Variants in CAMK4 observed in about 807,000 individuals in gnomAD.
The protein encoded by CAMK4 is calcium/calmodulin dependent protein kinase IV.
CAMK4 carries 22 observed loss-of-function variants against 44.9 expected under a neutral mutation model. The ratio of observed to expected loss-of-function variants is 0.49; its 90% CI spans 0.35 to 0.70. The LOEUF (loss-of-function observed/expected upper bound fraction) is 0.70. Among genes scored for constraint, CAMK4 ranks in the 30% least tolerant of loss-of-function variants. The pLI, the probability that CAMK4 is intolerant of heterozygous loss-of-function variation, is 0.01. For synonymous variants in CAMK4, 218 were observed against 215.4 expected, an observed-to-expected ratio of 1.01 and a Z score of -0.11; for missense variants, 498 against 586.8, an observed-to-expected ratio of 0.85 and a Z score of 1.56.
intron 1 of CAMK4, among the ~76,000 whole-genome samples, chr5:111,293,384 A>G (rs1747352553): frequency 6.6e-6 from 1 of 151,956 alleles, no homozygotes; most frequent in East Asian, 1.9e-4. Flanking sequence ...GAAGGAAAAC[A>G]CTATGCTTAT....
At chr5:111,368,811 T>C (rs1167803066) in intron 2 of CAMK4, among the ~76,000 whole-genome samples, 1 of 152,058 alleles carries the variant, frequency 6.6e-6, no homozygotes, top group Non-Finnish European at 1.5e-5. Flanking sequence ...GAGATTCTTA[T>C]TTGCTTCACC....
At chr5:111,382,231 C>A (rs1391165249) in intron 4 of CAMK4, among the ~76,000 whole-genome samples, 1 of 152,098 alleles carries the variant, frequency 6.6e-6, no homozygotes, top group Admixed American at 6.6e-5. Context: ...TAAGACCTCA[C>A]CTCCAGTCCT....
At chr5:111,366,629 T>C (rs1426369492) in intron 2 of CAMK4, among the ~76,000 whole-genome samples, 1 of 152,122 alleles carries the variant, frequency 6.6e-6, no homozygotes, top group African/African-American at 2.4e-5. Context: ...CACAAGAGTG[T>C]TTATTTGCTG....
At chr5:111,225,913 A>G (rs911799301) in intron 1 of CAMK4, among the ~76,000 whole-genome samples, 17 of 152,250 alleles carry the variant, frequency 1.1e-4, no homozygotes, top group African/African-American at 3.9e-4. Context: ...CAAGTTTTTC[A>G]GTATTCATCT....
chr5:111,406,829 C>T (rs1389013149), intron 5 of CAMK4, among the ~76,000 whole-genome samples: 3 of 152,152 alleles, frequency 2.0e-5, no homozygotes, highest in African/African-American at 7.2e-5. Context: ...AGATGAGTGT[C>T]TTCACTTTTG....
intron 1 of CAMK4, among the ~76,000 whole-genome samples, chr5:111,284,450 T>C (rs1483278761): frequency 6.6e-6 from 1 of 152,222 alleles, no homozygotes; most frequent in African/African-American, 2.4e-5. Context: ...TTCTTACATA[T>C]CACTTCATAT....
In CAMK4 at chr5:111,481,413, TTTTAAGCC is replaced by T. The variant is rs1232883940; in HGVS notation, c.829-1370_829-1363del. On this transcript the variant is annotated intron_variant, in intron 9 of 10. Transcript: ENST00000282356. ...CTACCTTCCTCCATGTCCTCTCAGA[TTTTAAGCC>T]TAAAGAGCCTCATGTCTCTGCCCAC... 4.3e-4 allele frequency among the ~76,000 whole-genome samples: 65 copies of T among 152,284 alleles called. 1 individual carries two copies. Among genetic ancestry groups the T allele is most frequent in the African/African-American group, 1.5e-3 (62 of 41,562 alleles).
At chr5:111,461,555 G>A (rs1356893267) in intron 7 of CAMK4, among the ~76,000 whole-genome samples, 3 of 152,122 alleles carry the variant, frequency 2.0e-5, no homozygotes, top group Non-Finnish European at 4.4e-5. Context: ...GGGCACTGCT[G>A]CCGCCCATAG....
chr5:111,352,918 A>G (rs1327763953), intron 2 of CAMK4, among the ~76,000 whole-genome samples: 1 of 152,052 alleles, frequency 6.6e-6, no homozygotes, highest in Non-Finnish European at 1.5e-5. Flanking sequence ...GAATAAAAAT[A>G]TCTAGCTTTG....
intron 2 of CAMK4, among the ~76,000 whole-genome samples, chr5:111,361,778 AT>A (rs1750601467): frequency 6.6e-6 from 1 of 152,044 alleles, no homozygotes; most frequent in Non-Finnish European, 1.5e-5. Context: ...GAAAATAGGC[AT>A]TAGTTTTCTT....
intron 1 of CAMK4, among the ~76,000 whole-genome samples, chr5:111,258,310 T>G (rs886297082): frequency 6.6e-6 from 1 of 152,184 alleles, no homozygotes; most frequent in African/African-American, 2.4e-5. Context: ...TTGATATATG[T>G]ATACTTCAGA....
intron 1 of CAMK4, among the ~76,000 whole-genome samples, chr5:111,281,291 A>C (rs534443238): frequency 6.0e-4 from 91 of 152,184 alleles, no homozygotes; most frequent in Non-Finnish European, 1.1e-3. Context: ...CTGCTACTGT[A>C]GTTCTGCCAG....
intron 10 of CAMK4, among the ~76,000 whole-genome samples, chr5:111,483,794 C>A (rs774859856): frequency 6.6e-6 from 1 of 152,158 alleles, no homozygotes; most frequent in Non-Finnish European, 1.5e-5. Flanking sequence ...TGTATTCAGG[C>A]TTTCAGTTGT....
chr5:111,483,374 T>G (rs985967579), intron 10 of CAMK4, among the ~76,000 whole-genome samples: 16 of 152,194 alleles, frequency 1.1e-4, no homozygotes, highest in Non-Finnish European at 2.9e-5. Flanking sequence ...TTAAGTGATA[T>G]AATAAATTAC....
intron 2 of CAMK4, among the ~76,000 whole-genome samples, chr5:111,366,900 A>T (rs2112807322): frequency 6.6e-6 from 1 of 152,052 alleles, no homozygotes; most frequent in Non-Finnish European, 1.5e-5. Context: ...ATCAAAGACC[A>T]TTAGAATATT....
chr5:111,260,985 C>A lies in CAMK4; in HGVS notation c.161+36341C>A, dbSNP rs535718325. Among the ~76,000 whole-genome samples the A allele has an allele frequency of 2.3e-3, 350 of 152,294 alleles. 3 individuals are homozygous for A. The highest frequency in any genetic ancestry group is 4.4e-4 in the Non-Finnish European group (30 of 68,020). ...TAAGACAGTTTACAATCTGCTCTCACCCTACCTTTCAAAATATGTAAATAG... is the reference window on the plus strand; with the variant it reads ...TAAGACAGTTTACAATCTGCTCTCAACCTACCTTTCAAAATATGTAAATAG... On this transcript the variant is annotated intron_variant, in intron 1 of 10. Transcript: ENST00000282356.
chr5:111,480,288 A>ACACACACC (rs1364533152), intron 9 of CAMK4, among the ~76,000 whole-genome samples: 16 of 145,230 alleles, frequency 1.1e-4, no homozygotes, highest in Non-Finnish European at 1.7e-4. Context: ...ACACACACAC[A>ACACACACC]CCCCTGGGTA....
At chr5:111,310,566 G>A (rs575268685) in intron 1 of CAMK4, among the ~76,000 whole-genome samples, 1 of 152,194 alleles carries the variant, frequency 6.6e-6, no homozygotes, top group South Asian at 2.1e-4. Context: ...CAGTGTGGAA[G>A]ATGGCTCAGA....
intron 5 of CAMK4, among the ~76,000 whole-genome samples, chr5:111,408,575 C>T (rs1752520045): frequency 6.6e-6 from 1 of 152,158 alleles, no homozygotes; most frequent in Non-Finnish European, 1.5e-5. Context: ...CCCCTGACCC[C>T]TCCTAAATCT....
Sources: allele counts gnomAD v4.1 joint callset (sites outside exome capture counted in the v4.1 genomes callset), GRCh38; gene constraint gnomAD v4.1.1; transcripts MANE v1.5; gene names NCBI Gene and HGNC (gene_info 2026-07-23, HGNC 2026-07-21).